The following VGLL3 variants were observed in gnomAD, a reference collection of about 807,000 sequenced individuals.
VGLL3 encodes the protein transcription cofactor vestigial-like protein 3.
A neutral mutation model predicts 29.2 loss-of-function variants in VGLL3; 18 were observed. That is an observed-to-expected ratio of 0.62 (90% CI 0.43 to 0.91). The LOEUF (loss-of-function observed/expected upper bound fraction) is 0.91. Ranked by LOEUF, VGLL3 falls within the 40% of genes least tolerant of loss-of-function variation. The pLI, the probability that VGLL3 is intolerant of heterozygous loss-of-function variation, is 0.00. For synonymous variants in VGLL3, 180 were observed against 151.8 expected (o/e 1.19, Z -1.36); for missense variants, 440 against 413.2 (o/e 1.06, Z -0.56).
chr3:86,990,332 C>T (rs1705552436), intron 1 of VGLL3: 1 of 985,298 alleles, frequency 1.0e-6, no homozygotes, highest in Non-Finnish European at 1.2e-6. Flanking sequence ...TGGTGAGCTT[C>T]AGAGAACTGA....
At chr3:86,950,054 C>A (rs1704586362) in intron 3 of VGLL3, among the ~76,000 whole-genome samples, 1 of 152,142 alleles carries the variant, frequency 6.6e-6, no homozygotes, top group Admixed American at 6.5e-5. Context: ...AAAATCCACT[C>A]TGCTACAGGT....
intron 3 of VGLL3, among the ~76,000 whole-genome samples, chr3:86,948,197 A>G (rs1011488017): frequency 2.0e-5 from 3 of 152,318 alleles, no homozygotes; most frequent in African/African-American, 7.2e-5. Flanking sequence ...ATAACAAAAC[A>G]TGAAGCAAAA....
chr3:86,959,479 A>T (rs923104115), intron 3 of VGLL3, among the ~76,000 whole-genome samples: 4 of 152,132 alleles, frequency 2.6e-5, no homozygotes, highest in Non-Finnish European at 4.4e-5. Context: ...CATCTACAAT[A>T]TATGATATTT....
chr3:86,951,897 C>T (rs1044367015), intron 3 of VGLL3, among the ~76,000 whole-genome samples: 5 of 152,038 alleles, frequency 3.3e-5, no homozygotes, highest in African/African-American at 9.7e-5. Context: ...ATCACAAACA[C>T]TGGGAACTGA....
In VGLL3 at chr3:86,968,583, A is replaced by G; in HGVS notation, c.937+7T>C. 3 of 1,602,006 alleles carry G rather than the reference A, an allele frequency of 1.9e-6. No homozygotes were observed. The highest frequency in any genetic ancestry group is 2.6e-6 in the Non-Finnish European group (3 of 1,172,138). Reference sequence around the variant, plus strand: ...TGTTATAGGAAGAAAGAAATCCAGCAGCTTACCTGTATCGAATCCCACGCT... The same window carrying G: ...TGTTATAGGAAGAAAGAAATCCAGCGGCTTACCTGTATCGAATCCCACGCT... On this transcript the variant is annotated splice_region_variant and intron_variant, in intron 3 of 3. Coordinates refer to ENST00000398399, the MANE Select transcript of VGLL3 (RefSeq NM_016206.4).
rs1704498130 is a variant in VGLL3 at position 86,945,956 on chromosome 3, A to G, written c.*1068T>C. On this transcript the variant is annotated 3_prime_UTR_variant, in exon 4 of 4. Transcript: ENST00000398399. The stretch of plus-strand genomic sequence containing the variant: ...TGTAATTTCTCTAGTACCTTCCCAG[A>G]TATTGTTCCTTCAAATGCCCTTCAG... 6.6e-6 allele frequency: 1 copy of G among 152,166 alleles called. No homozygotes were observed. The highest frequency in any genetic ancestry group is 1.5e-5 in the Non-Finnish European group (1 of 68,014). 9.4% of individuals were successfully genotyped at this position (152,166 alleles called of 1,614,324 possible). A position where few individuals can be genotyped will look rare whatever the true frequency, so the allele number is the denominator to read the frequency against.
At chr3:86,979,397 T>A (rs954607093) in intron 1 of VGLL3, among the ~76,000 whole-genome samples, 29 of 152,212 alleles carry the variant, frequency 1.9e-4, no homozygotes, top group African/African-American at 6.8e-4. Context: ...GCATTTTGCA[T>A]GGAACATATT....
At chr3:86,976,914 C>A (rs370065602) in intron 2 of VGLL3, among the ~76,000 whole-genome samples, 19 of 152,254 alleles carry the variant, frequency 1.2e-4, no homozygotes, top group Middle Eastern at 3.4e-3. Flanking sequence ...TTTATTAAAG[C>A]CATCTAACTC....
At chr3:86,982,578 T>C (rs548998336) in intron 1 of VGLL3, among the ~76,000 whole-genome samples, 10 of 152,296 alleles carry the variant, frequency 6.6e-5, no homozygotes, top group African/African-American at 2.4e-4. Flanking sequence ...ATATATAAAA[T>C]TCAAAACATC....
In VGLL3 at chr3:86,990,877, C is replaced by T; in HGVS notation, c.-134G>A. On this transcript the variant is annotated 5_prime_UTR_variant, in exon 1 of 4. Coordinates refer to ENST00000398399, the MANE Select transcript of VGLL3 (RefSeq NM_016206.4). ...GCTGCTACTGCGGCGAAGGCGGGTC[C>T]TCGGCGGCCTCGGGCTCCGCGCGGG... is the stretch of plus-strand genomic sequence containing the variant. The T allele has an allele frequency of 1.8e-6, 2 of 1,140,912 alleles. No individual in the cohort carries two copies. The highest frequency in any genetic ancestry group is 1.1e-6 in the Non-Finnish European group (1 of 922,898). 70.7% of individuals were successfully genotyped at this position (1,140,912 alleles called of 1,614,324 possible). A position where few individuals can be genotyped will look rare whatever the true frequency, so the allele number is the denominator to read the frequency against.
chr3:86,960,272 T>G (rs184128651), intron 3 of VGLL3, among the ~76,000 whole-genome samples: 1 of 152,170 alleles, frequency 6.6e-6, no homozygotes, highest in Non-Finnish European at 1.5e-5. Flanking sequence ...TTTTTAAATA[T>G]AGTTTACTGG....
intron 3 of VGLL3, among the ~76,000 whole-genome samples, chr3:86,964,756 C>G (rs1215825639): frequency 6.6e-6 from 1 of 152,152 alleles, no homozygotes; most frequent in African/African-American, 2.4e-5. Context: ...GATTTCCCAG[C>G]CTTCAAAACT....
chr3:86,983,293 A>G (rs1705367698), intron 1 of VGLL3, among the ~76,000 whole-genome samples: 1 of 152,232 alleles, frequency 6.6e-6, no homozygotes, highest in Non-Finnish European at 1.5e-5. Flanking sequence ...GATTGGAGCT[A>G]TAAGAAGAAA....
chr3:86,946,836 CT>C lies in VGLL3; in HGVS notation c.*187del, dbSNP rs2106955889. 1 of 513,906 alleles carries C rather than the reference CT, an allele frequency of 1.9e-6. No homozygotes were observed. The highest frequency in any genetic ancestry group is 3.5e-6 in the Non-Finnish European group (1 of 287,210). The allele number at this position is 513,906 out of a possible 1,614,324, so 31.8% of individuals were successfully genotyped here. On this transcript the variant is annotated 3_prime_UTR_variant, in exon 4 of 4. Transcript: ENST00000398399. ...ATGAGGAAATAAACAAATAAAAATGCTTTTCTTCAATGTCTGGGACCCACTT... is the reference window on the plus strand; with the variant it reads ...ATGAGGAAATAAACAAATAAAAATGCTTTCTTCAATGTCTGGGACCCACTT...
intron 3 of VGLL3, chr3:86,962,696 G>T: frequency 2.4e-6 from 2 of 822,074 alleles, no homozygotes; most frequent in Non-Finnish European, 2.9e-6. Flanking sequence ...ATATTTCCAA[G>T]AGAATTAAAC....
rs1704384426 is a variant in VGLL3 at position 86,940,907 on chromosome 3, A to G, written c.*6117T>C. 6.6e-6 allele frequency: 1 copy of G among 152,450 alleles called. No individual in the cohort carries two copies. The highest frequency in any genetic ancestry group is 1.5e-5 in the Non-Finnish European group (1 of 67,906). The allele number at this position is 152,450 out of a possible 1,614,324, so 9.4% of individuals were successfully genotyped here. A position where few individuals can be genotyped will look rare whatever the true frequency, so the allele number is the denominator to read the frequency against. ...AAGGTTAATTTTTATTTCTGGAAAC[A>G]CAAAATTAAGGTAGCACAACTTCTT... On this transcript the variant is annotated 3_prime_UTR_variant, in exon 4 of 4. Coordinates refer to ENST00000398399, the MANE Select transcript of VGLL3 (RefSeq NM_016206.4).
intron 3 of VGLL3, among the ~76,000 whole-genome samples, chr3:86,949,691 T>A (rs1233140656): frequency 2.0e-5 from 3 of 151,640 alleles, no homozygotes; most frequent in South Asian, 2.1e-4. Flanking sequence ...CCGGGCGTGA[T>A]GGCGGGCGCC....
rs940410083 is a variant in VGLL3, at chr3:86,990,832, C to T, written c.-89G>A. The T allele has an allele frequency of 4.1e-5, 49 of 1,184,744 alleles. No individual in the cohort carries two copies. Among genetic ancestry groups the T allele is most frequent in the Non-Finnish European group, 5.2e-5 (49 of 950,842 alleles). 73.4% of individuals were successfully genotyped at this position (1,184,744 alleles called of 1,614,324 possible). On this transcript the variant is annotated 5_prime_UTR_variant, in exon 1 of 4. Coordinates refer to ENST00000398399, the MANE Select transcript of VGLL3 (RefSeq NM_016206.4). ...GCGGGCGCCGCCGCCGCCGCAGCTG[C>T]CGCCTCTGTCGCTGCTCCAGCTGCT...
intron 2 of VGLL3, among the ~76,000 whole-genome samples, chr3:86,971,225 A>C (rs1237215920): frequency 6.6e-6 from 1 of 152,252 alleles, no homozygotes; most frequent in East Asian, 1.9e-4. Context: ...AAAAAACTTC[A>C]GTCAACCACC....
Sources: gnomAD v4.1 joint callset for allele counts (sites outside exome capture counted in the v4.1 genomes callset) on GRCh38, gnomAD v4.1.1 for gene constraint, MANE v1.5 for transcripts, NCBI Gene and HGNC (gene_info 2026-07-23, HGNC 2026-07-21) for gene names.